GSG1L: variants seen among roughly 807,000 people sequenced by gnomAD.
The protein encoded by GSG1L is germ cell-specific gene 1-like protein.
Under a neutral mutation model 42.1 loss-of-function variants are expected in GSG1L, and 24 were observed. The ratio of observed to expected loss-of-function variants is 0.57; its 90% CI spans 0.41 to 0.80. The LOEUF (loss-of-function observed/expected upper bound fraction) is 0.80. Ranked by LOEUF, GSG1L falls within the 30% of genes least tolerant of loss-of-function variation. The pLI, the probability that GSG1L is intolerant of heterozygous loss-of-function variation, is 0.00. For synonymous variants in GSG1L, 215 were observed against 203.5 expected, an observed-to-expected ratio of 1.06 and a Z score of -0.48; for missense variants, 445 against 472.2, an observed-to-expected ratio of 0.94 and a Z score of 0.53.
chr16:27,857,120 C>A (rs2083589049), intron 3 of GSG1L, among the ~76,000 whole-genome samples: 1 of 152,140 alleles, frequency 6.6e-6, no homozygotes, highest in African/African-American at 2.4e-5. Context: ...AGGCAAGATG[C>A]TTGCATGATG....
intron 2 of GSG1L, among the ~76,000 whole-genome samples, chr16:27,887,812 T>C (rs971882674): frequency 6.6e-6 from 1 of 152,116 alleles, no homozygotes; most frequent in Non-Finnish European, 1.5e-5. Flanking sequence ...TCTTTTTTTT[T>C]CTCCTCCCTA....
chr16:27,872,015 G>A (rs963915180), intron 3 of GSG1L, among the ~76,000 whole-genome samples: 1 of 152,210 alleles, frequency 6.6e-6, no homozygotes, highest in Non-Finnish European at 1.5e-5. Flanking sequence ...ATATGTAAAT[G>A]ATACCTCAAT....
intron 2 of GSG1L, among the ~76,000 whole-genome samples, chr16:27,890,365 T>C (rs1358941617): frequency 6.6e-6 from 1 of 152,166 alleles, no homozygotes. Flanking sequence ...GGACTTGACC[T>C]GAGTTCAGGG....
chr16:27,977,771 T>A (rs2141121343), intron 1 of GSG1L, among the ~76,000 whole-genome samples: 1 of 152,198 alleles, frequency 6.6e-6, no homozygotes, highest in South Asian at 2.1e-4. Flanking sequence ...TCTTGTCACC[T>A]CTACACCCCA....
chr16:27,952,457 T>C (rs768761220), intron 2 of GSG1L, among the ~76,000 whole-genome samples: 1 of 151,786 alleles, frequency 6.6e-6, no homozygotes, highest in Non-Finnish European at 1.5e-5. Flanking sequence ...GCAAACGAGG[T>C]GGTAAAGGCA....
At chr16:27,999,528 TC>T (rs1375277499) in intron 1 of GSG1L, among the ~76,000 whole-genome samples, 2 of 152,206 alleles carry the variant, frequency 1.3e-5, no homozygotes, top group Non-Finnish European at 2.9e-5. Context: ...CCCTGGCCCA[TC>T]ATGGGAACTC....
At chr16:27,806,669 G>A (rs922100737) in intron 6 of GSG1L, among the ~76,000 whole-genome samples, 2 of 152,222 alleles carry the variant, frequency 1.3e-5, no homozygotes, top group South Asian at 2.1e-4. Context: ...GCACAGAGAT[G>A]CAGATACAGA....
intron 6 of GSG1L, among the ~76,000 whole-genome samples, chr16:27,793,881 G>A (rs939325865): frequency 1.3e-5 from 2 of 152,218 alleles, no homozygotes; most frequent in African/African-American, 4.8e-5. Context: ...GCCTTGTGCT[G>A]TAGATTGGGA....
At chr16:27,796,802 C>T (rs780343484) in intron 6 of GSG1L, among the ~76,000 whole-genome samples, 6 of 152,214 alleles carry the variant, frequency 3.9e-5, no homozygotes, top group Non-Finnish European at 8.8e-5. Flanking sequence ...ACAAAGTCCA[C>T]TGCACCTGCC....
intron 2 of GSG1L, among the ~76,000 whole-genome samples, chr16:27,919,986 C>A (rs552099903): frequency 3.3e-5 from 5 of 152,300 alleles, no homozygotes; most frequent in Admixed American, 2.0e-4. Context: ...CCGAAGGGGG[C>A]TGAATTGAAA....
At chr16:28,046,341 CTTTT>C (rs201480876) in intron 1 of GSG1L, among the ~76,000 whole-genome samples, 38 of 76,030 alleles carry the variant, frequency 5.0e-4, no homozygotes, top group African/African-American at 2.1e-3. Flanking sequence ...GAAGTCCACT[CTTTT>C]TTTTTTTTTT....
intron 5 of GSG1L, among the ~76,000 whole-genome samples, chr16:27,822,585 T>C (rs1398813997): frequency 1.3e-5 from 2 of 152,078 alleles, no homozygotes; most frequent in Non-Finnish European, 2.9e-5. Context: ...ACCCAGCTAA[T>C]CTTTTAATTT....
intron 1 of GSG1L, among the ~76,000 whole-genome samples, chr16:28,061,514 C>A (rs1354069674): frequency 6.6e-6 from 1 of 152,160 alleles, no homozygotes; most frequent in Admixed American, 6.5e-5. Flanking sequence ...CCGCAGGAAG[C>A]CTCCGGTTCA....
chr16:27,915,948 T>C (rs941126879), intron 2 of GSG1L, among the ~76,000 whole-genome samples: 9 of 152,190 alleles, frequency 5.9e-5, no homozygotes, highest in Non-Finnish European at 1.2e-4. Flanking sequence ...GCAGTGAATA[T>C]TCCTGGTGCC....
chr16:28,062,546 G>T (rs1000343570), intron 1 of GSG1L, among the ~76,000 whole-genome samples: 3 of 152,136 alleles, frequency 2.0e-5, no homozygotes, highest in Non-Finnish European at 4.4e-5. Flanking sequence ...CCCCACTCCC[G>T]TCTGGGAGGT....
At chr16:28,023,728 A>G (rs2085870344) in intron 1 of GSG1L, among the ~76,000 whole-genome samples, 1 of 152,234 alleles carries the variant, frequency 6.6e-6, no homozygotes, top group Admixed American at 6.5e-5. Flanking sequence ...AATTTGCCTA[A>G]GATCACATAG....
At chr16:28,033,288 C>T (rs2085988870) in intron 1 of GSG1L, among the ~76,000 whole-genome samples, 1 of 152,202 alleles carries the variant, frequency 6.6e-6, no homozygotes, top group Admixed American at 6.5e-5. Flanking sequence ...GAGATCAGCT[C>T]CCCATCTACA....
intron 2 of GSG1L, among the ~76,000 whole-genome samples, chr16:27,900,235 C>T (rs1567510891): frequency 1.3e-5 from 2 of 152,362 alleles, no homozygotes; most frequent in Non-Finnish European, 2.9e-5. Context: ...CCACGCTCTA[C>T]AGCACCCACG....
intron 4 of GSG1L, among the ~76,000 whole-genome samples, chr16:27,841,806 C>A (rs1596548338): frequency 2.0e-5 from 3 of 152,154 alleles, no homozygotes; most frequent in Non-Finnish European, 4.4e-5. Flanking sequence ...AGGAGCAGGG[C>A]AGAAATCCCT....
Sources: gnomAD v4.1 joint callset for allele counts (sites outside exome capture counted in the v4.1 genomes callset) on GRCh38, gnomAD v4.1.1 for gene constraint, MANE v1.5 for transcripts, NCBI Gene and HGNC (gene_info 2026-07-23, HGNC 2026-07-21) for gene names.